KCNN3: variants seen among roughly 807,000 people sequenced by gnomAD.
KCNN3 encodes small conductance calcium-activated potassium channel protein 3.
In KCNN3, 16 loss-of-function variants were observed where a neutral mutation model predicts 62.9. The ratio of observed to expected loss-of-function variants is 0.25; its 90% CI spans 0.17 to 0.39. KCNN3 has a LOEUF of 0.39. KCNN3 is among the 10% of genes least tolerant of loss of function. KCNN3 has a pLI of 1.00. For synonymous variants in KCNN3, 370 were observed against 389.2 expected, an observed-to-expected ratio of 0.95 and a Z score of 0.58; for missense variants, 599 against 949.4, an observed-to-expected ratio of 0.63 and a Z score of 4.85.
At chr1:154,737,953 T>C (rs903935928) in intron 3 of KCNN3, among the ~76,000 whole-genome samples, 2 of 152,008 alleles carry the variant, frequency 1.3e-5, no homozygotes, top group African/African-American at 2.4e-5. Context: ...AAAGAAAATA[T>C]GAGAAAATTA....
Position 154,809,991 on chromosome 1 carries a change from C to G in KCNN3, c.1029+12098G>C, listed in dbSNP as rs1276319783. On this transcript the variant is annotated intron_variant, in intron 2 of 7. Coordinates refer to ENST00000271915, the MANE Select transcript of KCNN3 (RefSeq NM_002249.6). This position sits in a 1 kb window ranked among gnomAD's most constrained non-coding sequence, Gnocchi z 4.3. ...TGTAAGGGTCAGTGTGTCACCAGAT[C>G]CCTGGGCTGCTGTGGACCAAGCAGA... 6.6e-6 allele frequency among the ~76,000 whole-genome samples: 1 copy of G among 152,164 alleles called. No individual in the cohort carries two copies. The highest frequency in any genetic ancestry group is 1.5e-5 in the Non-Finnish European group (1 of 68,044).
intron 2 of KCNN3, among the ~76,000 whole-genome samples, chr1:154,785,912 T>A (rs1649262052): frequency 6.6e-6 from 1 of 152,132 alleles, no homozygotes; most frequent in Non-Finnish European, 1.5e-5. Flanking sequence ...CCTAAGCACT[T>A]TTCTTTACAT....
intron 5 of KCNN3, 39 bp from the exon 6 acceptor site, chr1:154,715,042 A>G (rs1700202789): frequency 3.1e-6 from 5 of 1,612,010 alleles, no homozygotes; most frequent in East Asian, 2.2e-5. Context: ...TATCAGGTTC[A>G]TTTTCTTAGG....
At chr1:154,744,840 A>C (rs1222771296) in intron 3 of KCNN3, among the ~76,000 whole-genome samples, 2 of 152,010 alleles carry the variant, frequency 1.3e-5, no homozygotes, top group African/African-American at 4.8e-5. Context: ...ATCCCATTGA[A>C]ATTCAAAGGC....
chr1:154,710,207 C>A (rs535546023), intron 7 of KCNN3, among the ~76,000 whole-genome samples: 4 of 152,170 alleles, frequency 2.6e-5, no homozygotes, highest in Non-Finnish European at 5.9e-5. Context: ...TTAGAGAGGA[C>A]CAAAGGGCAG....
At chr1:154,742,632 G>A (rs1700847068) in intron 3 of KCNN3, among the ~76,000 whole-genome samples, 1 of 152,254 alleles carries the variant, frequency 6.6e-6, no homozygotes, top group Admixed American at 6.5e-5. Context: ...GGAGCCCAGA[G>A]ACTGCCTTTC....
At position 154,703,388 on chromosome 1, in the gene KCNN3, A is replaced by C. The variant is rs1699904943; in HGVS notation, c.*4588T>G. The C allele has an allele frequency of 6.6e-6, 1 of 152,328 alleles. No homozygotes were observed. Among genetic ancestry groups the C allele is most frequent in the East Asian group, 1.9e-4 (1 of 5,186 alleles). The allele number at this position is 152,328 out of a possible 1,614,324, so 9.4% of individuals were successfully genotyped here. ...GGGAGAGAAGGGGTTGTTCGTGCCTACTGGGAAGTCACCAGATAGCTGTCT... is the reference window on the plus strand; with the variant it reads ...GGGAGAGAAGGGGTTGTTCGTGCCTCCTGGGAAGTCACCAGATAGCTGTCT... On this transcript the variant is annotated 3_prime_UTR_variant, in exon 8 of 8. Transcript: ENST00000271915.
chr1:154,844,426 G>A (rs1032232830), intron 1 of KCNN3, among the ~76,000 whole-genome samples: 2 of 152,186 alleles, frequency 1.3e-5, no homozygotes, highest in African/African-American at 4.8e-5. Flanking sequence ...CAAACACCTC[G>A]TTGACACTTG....
At chr1:154,738,794 G>A (rs541615543) in intron 3 of KCNN3, among the ~76,000 whole-genome samples, 10 of 152,272 alleles carry the variant, frequency 6.6e-5, no homozygotes, top group African/African-American at 1.4e-4. Context: ...AAACAAACAC[G>A]ATCATTAACA....
chr1:154,868,225 C>CA, intron 1 of KCNN3: 1 of 985,550 alleles, frequency 1.0e-6, no homozygotes, highest in Non-Finnish European at 1.2e-6. Context: ...CAGCTGATTC[C>CA]AAGGCGGCGC....
intron 2 of KCNN3, among the ~76,000 whole-genome samples, chr1:154,805,834 A>G (rs1409238120): frequency 6.6e-6 from 1 of 152,226 alleles, no homozygotes; most frequent in Non-Finnish European, 1.5e-5. Context: ...GTCTGTGTCC[A>G]AATCACCAGA....
At position 154,869,941 on chromosome 1, in the gene KCNN3, A is replaced by G. The variant is rs1334562631; in HGVS notation, c.24T>C (p.His8=). 1 of 1,610,902 alleles carries G rather than the reference A, an allele frequency of 6.2e-7. No homozygotes were observed. Among genetic ancestry groups the G allele is most frequent in the Non-Finnish European group, 8.5e-7 (1 of 1,178,688 alleles). MDTSGHF[H]DSGVGDLDED... ...CATCCAAGTCCCCCACCCCCGAGTC[A>G]TGGAAGTGCCCAGAAGTGTCCATCT... Residue 8 remains histidine, a synonymous_variant, in exon 1 of 8, where the codon CAT becomes CAC. Transcript: ENST00000271915. This position sits in a 1 kb window ranked among gnomAD's most constrained non-coding sequence, Gnocchi z 6.1.
At chr1:154,748,209 G>A (rs1331242088) in intron 3 of KCNN3, among the ~76,000 whole-genome samples, 2 of 152,048 alleles carry the variant, frequency 1.3e-5, no homozygotes, top group East Asian at 3.9e-4. Context: ...AGCCATTCTG[G>A]GTCTCTGCTT....
chr1:154,868,954 A>G lies in KCNN3; in HGVS notation c.933+78T>C, dbSNP rs1465790681. On this transcript the variant is annotated intron_variant, in intron 1 of 7. Coordinates refer to ENST00000271915, the MANE Select transcript of KCNN3 (RefSeq NM_002249.6). ...TCTCTCTCAATCTCTCTCTCTCACA[A>G]TCCCCCTCTCTCAATCCCTCTCTTG... 9 of 898,326 alleles carry G rather than the reference A, an allele frequency of 1.0e-5. No homozygotes were observed. In the Admixed American group the frequency reaches 1.3e-4, roughly 13 times the overall value. 55.6% of individuals were successfully genotyped at this position (898,326 alleles called of 1,614,324 possible).
Position 154,713,519 on chromosome 1 carries a change from T to C in KCNN3, c.1844A>G (p.Lys615Arg), listed in dbSNP as rs201207460. ...GTCACTCAGCTTCCTCTGTTCCATC[T>C]TGACGCTCCTCAACCTGTGGGGAAG... ...LQAIHQLRSV[K>R]MEQRKLSDQA... Residue 615 changes from lysine (K) to arginine (R), a missense_variant, in exon 7 of 8, where the codon AAG becomes AGG. Lys to Arg is a conservative substitution (Grantham distance 26). This residue lies in a region of KCNN3 where 288 missense variants were observed against 557.4 expected (regional missense o/e 0.52). Transcript: ENST00000271915. The C allele has an allele frequency of 6.8e-6, 11 of 1,613,796 alleles. No homozygotes were observed. Among genetic ancestry groups the C allele is most frequent in the Non-Finnish European group, 8.5e-6 (10 of 1,179,870 alleles).
rs1187996260 is a variant in KCNN3 at position 154,704,154 on chromosome 1, C to T, written c.*3822G>A. 6.6e-6 allele frequency: 1 copy of T among 152,230 alleles called. No homozygotes were observed. Among genetic ancestry groups the T allele is most frequent in the Non-Finnish European group, 1.5e-5 (1 of 68,038 alleles). The allele number at this position is 152,230 out of a possible 1,614,324, so 9.4% of individuals were successfully genotyped here. ...AAAAATAGCTTGTACATGCTCAGCG[C>T]TTGGAATTTACTTTTGCGTACATTT... On this transcript the variant is annotated 3_prime_UTR_variant, in exon 8 of 8. Coordinates refer to ENST00000271915, the MANE Select transcript of KCNN3 (RefSeq NM_002249.6).
intron 3 of KCNN3, among the ~76,000 whole-genome samples, chr1:154,763,118 A>T (rs1209437836): frequency 1.3e-5 from 2 of 152,136 alleles, no homozygotes; most frequent in Non-Finnish European, 2.9e-5. Context: ...AAGTTAAGCT[A>T]TTCTCACTTA....
chr1:154,771,072 TAAATAAATAAATAAATAA>T (rs769344151), intron 3 of KCNN3, among the ~76,000 whole-genome samples: 12 of 105,552 alleles, frequency 1.1e-4, no homozygotes, highest in Admixed American at 3.5e-4. Context: ...AATAAATAAA[TAAATAAATAAATAAATAA>T]ATAAATAAAT....
intron 1 of KCNN3, among the ~76,000 whole-genome samples, chr1:154,837,381 A>G (rs1651635605): frequency 2.0e-5 from 3 of 152,176 alleles, no homozygotes; most frequent in Middle Eastern, 6.8e-3. Context: ...CTGAGCTCGT[A>G]ATCCACCCGC....
Sources: gnomAD v4.1 joint callset for allele counts (sites outside exome capture counted in the v4.1 genomes callset) on GRCh38, gnomAD v4.1.1 for gene constraint, gnomAD v4.1.1 regional missense constraint, Gnocchi (gnomAD v3.1) non-coding constraint, MANE v1.5 for transcripts, NCBI Gene and HGNC (gene_info 2026-07-23, HGNC 2026-07-21) for gene names.